Variants in UTP25 observed in about 807,000 individuals in gnomAD.
UTP25 encodes U3 small nucleolar RNA-associated protein 25 homolog.
A neutral mutation model predicts 78.9 loss-of-function variants in UTP25; 50 were observed. The observed-to-expected ratio is 0.63, with a 90% CI of 0.50 to 0.80. The LOEUF (loss-of-function observed/expected upper bound fraction) is 0.80, where lower values mean the gene tolerates loss of function less well. Among genes scored for constraint, UTP25 ranks in the 30% least tolerant of loss-of-function variants. The pLI is 0.00. For synonymous variants in UTP25, 329 were observed against 336.5 expected (o/e 0.98, Z 0.24); for missense variants, 846 against 911.3 (o/e 0.93, Z 0.92).
At chr1:209,839,863 C>T (rs538553954) in intron 7 of UTP25, among the ~76,000 whole-genome samples, 5 of 152,308 alleles carry the variant, frequency 3.3e-5, no homozygotes, top group South Asian at 4.1e-4. Context: ...CGGTTGTTCT[C>T]GGAGCATTTA....
chr1:209,842,521 C>A, intron 9 of UTP25, 62 bp from the exon 10 acceptor site: 1 of 1,610,060 alleles, frequency 6.2e-7, no homozygotes, highest in Non-Finnish European at 8.5e-7. Flanking sequence ...TAGAAGGAGG[C>A]GATAGCTTCT....
At chr1:209,846,553 G>T (rs2078197734) in intron 11 of UTP25, among the ~76,000 whole-genome samples, 1 of 152,208 alleles carries the variant, frequency 6.6e-6, no homozygotes, top group African/African-American at 2.4e-5. Flanking sequence ...ATGGACCGTA[G>T]GAAGGAGCCA....
chr1:209,841,831 A>C (rs1406875050), intron 8 of UTP25, among the ~76,000 whole-genome samples: 1 of 152,244 alleles, frequency 6.6e-6, no homozygotes, highest in Non-Finnish European at 1.5e-5. Context: ...GGCATTTGGC[A>C]TAGTCGAGTT....
chr1:209,840,753 G>C, intron 7 of UTP25, 100 bp from the exon 8 acceptor site: 6 of 1,096,370 alleles, frequency 5.5e-6, no homozygotes, highest in Admixed American at 1.7e-5. Context: ...GAACAAAAGA[G>C]ATGTGGAAGC....
intron 11 of UTP25, chr1:209,843,999 A>C: frequency 6.9e-6 from 2 of 289,504 alleles, no homozygotes; most frequent in Non-Finnish European, 1.3e-5. Context: ...TCAAATGAAT[A>C]CAAGGAAGGG....
intron 3 of UTP25, among the ~76,000 whole-genome samples, chr1:209,832,378 T>C (rs2078108011): frequency 6.6e-6 from 1 of 152,200 alleles, no homozygotes; most frequent in African/African-American, 2.4e-5. Context: ...CATTAGCTTC[T>C]TAATTACATA....
At position 209,836,873 on chromosome 1, in the gene UTP25, A is replaced by G; in HGVS notation, c.724A>G (p.Ile242Val). The G allele has an allele frequency of 6.2e-7, 1 of 1,614,096 alleles. No individual in the cohort carries two copies. The highest frequency in any genetic ancestry group is 1.1e-5 in the South Asian group (1 of 91,070). Reference sequence around the variant, plus strand: ...GGAAACATTTAAACCCCCAAAGGATATTGACTTAAAGTCACTTCATCTCCA... The same window carrying G: ...GGAAACATTTAAACCCCCAAAGGATGTTGACTTAAAGTCACTTCATCTCCA... The part of the protein sequence containing the change: ...KLETFKPPKD[I>V]DLKSLHLQKP... Residue 242 changes from isoleucine to valine, a missense_variant, in exon 6 of 12, where the codon ATT becomes GTT. Physicochemically the swap from Ile to Val is conservative, Grantham distance 29 (BLOSUM62 3). Transcript: ENST00000491415.
chr1:209,835,253 G>A, intron 5 of UTP25, 90 bp downstream of exon 5: 1 of 1,075,214 alleles, frequency 9.3e-7, no homozygotes, highest in East Asian at 2.4e-5. Context: ...CAGAATGTAT[G>A]ATATACACCT....
chr1:209,846,146 C>T (rs1050172444), intron 11 of UTP25, among the ~76,000 whole-genome samples: 2 of 151,980 alleles, frequency 1.3e-5, no homozygotes, highest in African/African-American at 4.8e-5. Context: ...CATGAGCCAC[C>T]GTGCCCGGCC....
intron 1 of UTP25, among the ~76,000 whole-genome samples, 164 bp downstream of exon 1, chr1:209,828,334 G>T (rs2078081317): frequency 6.6e-6 from 1 of 151,908 alleles, no homozygotes; most frequent in Admixed American, 6.6e-5. Context: ...GAGATGGAGT[G>T]CTTCACGGGC....
At chr1:209,849,368 A>G (rs1295585395) in intron 11 of UTP25, among the ~76,000 whole-genome samples, 1 of 152,024 alleles carries the variant, frequency 6.6e-6, no homozygotes, top group Non-Finnish European at 1.5e-5. Context: ...CCTCTGGGGC[A>G]GAATGCTTTT....
rs199999307 is a variant in UTP25, at chr1:209,830,867, G to T, written c.212G>T (p.Gly71Val). 3 of 1,614,056 alleles carry T rather than the reference G, an allele frequency of 1.9e-6. No individual in the cohort carries two copies. Among genetic ancestry groups the T allele is most frequent in the Non-Finnish European group, 2.5e-6 (3 of 1,179,972 alleles). ...DSESEPQQVS[G>V]YHRLLATLKN... Reference sequence around the variant, plus strand: ...GAGAGTGAACCACAACAAGTTTCTGGCTACCACAGACTACTTGCTACATTA... The same window carrying T: ...GAGAGTGAACCACAACAAGTTTCTGTCTACCACAGACTACTTGCTACATTA... The change falls in exon 3 of 12, where the codon GGC becomes GTC. Residue 71 changes from glycine to valine, a missense_variant. By Grantham distance (109) the Gly-to-Val change is moderately radical. Transcript: ENST00000491415.
At chr1:209,838,128 G>T (rs2078144486) in intron 6 of UTP25, among the ~76,000 whole-genome samples, 1 of 152,262 alleles carries the variant, frequency 6.6e-6, no homozygotes, top group Non-Finnish European at 1.5e-5. Context: ...GAACATCAGG[G>T]TTATAAGGTT....
At chr1:209,836,727 TA>T in intron 5 of UTP25, 73 bp from the exon 6 acceptor site, 1 of 1,483,666 alleles carries the variant, frequency 6.7e-7, no homozygotes, top group Non-Finnish European at 9.0e-7. Context: ...AAAAATTCGC[TA>T]AATATAGTAC....
chr1:209,843,898 G>C, intron 11 of UTP25: 1 of 655,746 alleles, frequency 1.5e-6, no homozygotes, highest in Non-Finnish European at 2.5e-6. Context: ...GGGCATTGCT[G>C]AAGAAGGATG....
rs1295191287 is a variant in UTP25 at position 209,854,877 on chromosome 1, C to T, written c.*3430C>T. ...AGGAGCGTGGGGCCACCACAGCTAG[C>T]CCTCCCTCCGTCTAGCCATCCTCTC... On this transcript the variant is annotated 3_prime_UTR_variant, in exon 12 of 12. Transcript: ENST00000491415. 1 of 152,188 alleles carries T rather than the reference C, an allele frequency of 6.6e-6. No homozygotes were observed. The highest frequency in any genetic ancestry group is 1.5e-5 in the Non-Finnish European group (1 of 68,048). 9.4% of individuals were successfully genotyped at this position (152,188 alleles called of 1,614,324 possible).
intron 10 of UTP25, 53 bp downstream of exon 10, chr1:209,842,748 TG>T (rs1470896227): frequency 1.5e-6 from 2 of 1,367,586 alleles, no homozygotes; most frequent in Non-Finnish European, 2.0e-6. Context: ...AGATTTGACT[TG>T]GGCATACAAA....
rs972326163 is a variant in UTP25 at position 209,847,952 on chromosome 1, C to T, written c.2028-3252C>T. Among the ~76,000 whole-genome samples, 16 of 152,278 alleles carry T rather than the reference C, an allele frequency of 1.1e-4. No homozygotes were observed. The East Asian group carries it at 1.9e-3, about 18-fold the overall frequency. Reference sequence around the variant, plus strand: ...TTGCTTTTTTACTTTTTCATGACATCGACATCTTTTTGAAGAGTCCAATCT... The same window carrying T: ...TTGCTTTTTTACTTTTTCATGACATTGACATCTTTTTGAAGAGTCCAATCT... On this transcript the variant is annotated intron_variant, in intron 11 of 11. Transcript: ENST00000491415.
At chr1:209,839,157 T>A in intron 7 of UTP25, 29 bp downstream of exon 7, 2 of 1,572,690 alleles carry the variant, frequency 1.3e-6, no homozygotes, top group Non-Finnish European at 1.7e-6. Context: ...CTTTGAGACC[T>A]AAAGTGTGAA....
Sources: gnomAD v4.1 joint callset for allele counts (sites outside exome capture counted in the v4.1 genomes callset) on GRCh38, gnomAD v4.1.1 for gene constraint, MANE v1.5 for transcripts, NCBI Gene and HGNC (gene_info 2026-07-23, HGNC 2026-07-21) for gene names.